Variants in SLC25A21 observed in about 807,000 individuals in gnomAD.
SLC25A21 encodes the protein solute carrier family 25 member 21.
SLC25A21 carries 47 observed loss-of-function variants against 43.8 expected under a neutral mutation model. The observed-to-expected ratio is 1.07, with a 90% CI of 0.85 to 1.37. The LOEUF is 1.37. Among genes scored for constraint, SLC25A21 ranks in the 40% most tolerant of loss-of-function variants. The pLI, the probability that SLC25A21 is intolerant of heterozygous loss-of-function variation, is 0.00. For synonymous variants in SLC25A21, 131 were observed against 121.3 expected (o/e 1.08, Z -0.52); for missense variants, 352 against 350.2 (o/e 1.00, Z -0.04).
At chr14:37,137,757 A>C (rs1485512911) in intron 1 of SLC25A21, among the ~76,000 whole-genome samples, 1 of 152,158 alleles carries the variant, frequency 6.6e-6, no homozygotes, top group East Asian at 1.9e-4. Context: ...CAAAAGTAAA[A>C]CATATATCAT....
At chr14:37,170,419 G>C (rs886381828) in intron 1 of SLC25A21, among the ~76,000 whole-genome samples, 1 of 152,110 alleles carries the variant, frequency 6.6e-6, no homozygotes, top group African/African-American at 2.4e-5. Flanking sequence ...AGGTGCTTAT[G>C]AGTCATCAGT....
intron 3 of SLC25A21, among the ~76,000 whole-genome samples, chr14:36,762,450 C>A (rs144444374): frequency 6.6e-6 from 1 of 152,186 alleles, no homozygotes; most frequent in South Asian, 2.1e-4. Flanking sequence ...GTTCTGGGAA[C>A]GGCAGCCATG....
chr14:36,721,402 TCCAGG>T (rs61068480), intron 6 of SLC25A21, among the ~76,000 whole-genome samples: 243 of 152,268 alleles, frequency 1.6e-3, no homozygotes, highest in Middle Eastern at 6.8e-3. Flanking sequence ...AAGATCTCCC[TCCAGG>T]TCTTGTGCTT....
chr14:36,764,079 A>AGAAAGAAGGAAAGAAGGAAGGAAG lies in SLC25A21; in HGVS notation c.204-29507_204-29506insCTTCCTTCCTTCTTTCCTTCTTTC, dbSNP rs1555326615. 4.8e-5 allele frequency among the ~76,000 whole-genome samples: 2 copies of AGAAAGAAGGAAAGAAGGAAGGAAG among 41,854 alleles called. 1 individual carries two copies. Among genetic ancestry groups the AGAAAGAAGGAAAGAAGGAAGGAAG allele is most frequent in the Admixed American group, 7.0e-4 (2 of 2,864 alleles). The allele number at this position is 41,854 out of a possible 152,430, so 27.5% of individuals were successfully genotyped here. ...AAGAAAGAAAGAAAGAAAGAAAGAA[A>AGAAAGAAGGAAAGAAGGAAGGAAG]GAAGGAAGGAAGGAAGGAAGGAAGG... On this transcript the variant is annotated intron_variant, in intron 3 of 9. Transcript: ENST00000331299.
At chr14:36,917,040 T>C (rs1034023368) in intron 1 of SLC25A21, among the ~76,000 whole-genome samples, 4 of 152,196 alleles carry the variant, frequency 2.6e-5, no homozygotes, top group Non-Finnish European at 5.9e-5. Context: ...CTTCTCTCCA[T>C]TTCTACTGTT....
chr14:37,121,856 C>T (rs925002789), intron 1 of SLC25A21, among the ~76,000 whole-genome samples: 3 of 152,088 alleles, frequency 2.0e-5, no homozygotes, highest in South Asian at 2.1e-4. Flanking sequence ...GGGGAATTCA[C>T]GCCGGAGAAA....
At chr14:37,132,272 A>C (rs1963404505) in intron 1 of SLC25A21, among the ~76,000 whole-genome samples, 1 of 152,048 alleles carries the variant, frequency 6.6e-6, no homozygotes, top group Non-Finnish European at 1.5e-5. Flanking sequence ...GCACATAGGA[A>C]CTCTGGGGGG....
In SLC25A21 at chr14:36,906,985, T is replaced by C. The variant is rs562125381; in HGVS notation, c.71-31981A>G. Reference sequence around the variant, plus strand: ...CTTTCTAGAGGCCCAGAAAAACACATACCATGCCCTCTATGGAGATTGGGG... The same window carrying C: ...CTTTCTAGAGGCCCAGAAAAACACACACCATGCCCTCTATGGAGATTGGGG... On this transcript the variant is annotated intron_variant, in intron 1 of 9. Transcript: ENST00000331299. 1.2e-4 allele frequency among the ~76,000 whole-genome samples: 19 copies of C among 152,226 alleles called. No homozygotes were observed. In the East Asian group the frequency reaches 2.3e-3, roughly 19 times the overall value.
At chr14:36,721,110 T>C (rs965152938) in intron 6 of SLC25A21, among the ~76,000 whole-genome samples, 12 of 152,228 alleles carry the variant, frequency 7.9e-5, no homozygotes, top group African/African-American at 2.7e-4. Flanking sequence ...CATCTAGAAA[T>C]AGTTATCATT....
At chr14:37,103,862 T>C (rs1962862754) in intron 1 of SLC25A21, among the ~76,000 whole-genome samples, 1 of 152,222 alleles carries the variant, frequency 6.6e-6, no homozygotes, top group Non-Finnish European at 1.5e-5. Context: ...CATAAAGCAC[T>C]TTCCAAGCAC....
intron 3 of SLC25A21, among the ~76,000 whole-genome samples, chr14:36,738,192 G>T (rs1885119469): frequency 6.6e-6 from 1 of 152,186 alleles, no homozygotes. Flanking sequence ...AGAGCATGTG[G>T]TTAAGGGCTC....
intron 1 of SLC25A21, among the ~76,000 whole-genome samples, chr14:37,161,982 A>AC (rs1963951525): frequency 6.8e-6 from 1 of 146,418 alleles, no homozygotes; most frequent in Non-Finnish European, 1.5e-5. Flanking sequence ...AAAAAAAAAA[A>AC]AGAAATCTAA....
At chr14:36,925,131 A>G (rs1038887562) in intron 1 of SLC25A21, among the ~76,000 whole-genome samples, 4 of 152,162 alleles carry the variant, frequency 2.6e-5, no homozygotes, top group Admixed American at 6.5e-5. Context: ...ACGCAATAGT[A>G]AAAAATAATT....
At chr14:36,706,947 TGATGAAGATAAGAATCTTA>T (rs1311692872) in intron 7 of SLC25A21, among the ~76,000 whole-genome samples, 2 of 150,584 alleles carry the variant, frequency 1.3e-5, no homozygotes, top group Non-Finnish European at 3.0e-5. Flanking sequence ...AGCTTCCAAA[TGATGAAGATAAGAATCTTA>T]GATGAAGATA....
chr14:36,978,563 G>A (rs546456462), intron 1 of SLC25A21, among the ~76,000 whole-genome samples: 91 of 152,248 alleles, frequency 6.0e-4, no homozygotes, highest in African/African-American at 1.7e-3. Context: ...ACAATAAAAC[G>A]AGGTATGCCT....
intron 1 of SLC25A21, among the ~76,000 whole-genome samples, chr14:37,120,875 T>A (rs529899336): frequency 6.6e-6 from 1 of 152,104 alleles, no homozygotes; most frequent in African/African-American, 2.4e-5. Context: ...ATGTCCTAAT[T>A]GGTATAAGTA....
chr14:36,850,608 G>T (rs748037682), intron 2 of SLC25A21, among the ~76,000 whole-genome samples: 1 of 152,190 alleles, frequency 6.6e-6, no homozygotes. Context: ...CACCAGCATT[G>T]TAACCATCCT....
At chr14:36,925,903 G>T (rs1267961480) in intron 1 of SLC25A21, among the ~76,000 whole-genome samples, 2 of 151,912 alleles carry the variant, frequency 1.3e-5, no homozygotes, top group African/African-American at 4.8e-5. Context: ...ATAAAGAAGA[G>T]AATTGAAAGA....
At chr14:37,119,787 G>A (rs555819781) in intron 1 of SLC25A21, among the ~76,000 whole-genome samples, 1 of 152,196 alleles carries the variant, frequency 6.6e-6, no homozygotes, top group East Asian at 1.9e-4. Context: ...AACCATTTCA[G>A]CTCTATTAAA....
Sources: allele counts gnomAD v4.1 joint callset (sites outside exome capture counted in the v4.1 genomes callset), GRCh38; gene constraint gnomAD v4.1.1; transcripts MANE v1.5; gene names NCBI Gene and HGNC (gene_info 2026-07-23, HGNC 2026-07-21).